CDH13: variants seen among roughly 807,000 people sequenced by gnomAD.
CDH13 encodes cadherin-13.
Under a neutral mutation model 63.8 loss-of-function variants are expected in CDH13, and 24 were observed. That is an observed-to-expected ratio of 0.38 (90% CI 0.27 to 0.53). The LOEUF (loss-of-function observed/expected upper bound fraction) is 0.53. Among genes scored for constraint, CDH13 ranks in the 20% least tolerant of loss-of-function variants. The probability of loss-of-function intolerance (pLI) is 0.85; values close to 1 mark genes in which losing one functional copy is unlikely to be tolerated. For synonymous variants in CDH13, 503 were observed against 355.3 expected (o/e 1.42, Z -4.67); for missense variants, 1,049 against 903.1 (o/e 1.16, Z -2.07).
intron 4 of CDH13, among the ~76,000 whole-genome samples, chr16:83,163,464 C>G (rs1221391067): frequency 6.6e-6 from 1 of 152,054 alleles, no homozygotes; most frequent in Non-Finnish European, 1.5e-5. Context: ...TGTAGTGCTC[C>G]AGGCCAGACG....
At chr16:83,332,294 C>T (rs1373488338) in intron 5 of CDH13, among the ~76,000 whole-genome samples, 2 of 152,002 alleles carry the variant, frequency 1.3e-5, no homozygotes, top group East Asian at 1.9e-4. Context: ...GGGCCTTCTC[C>T]CCTGTATTAC....
intron 6 of CDH13, among the ~76,000 whole-genome samples, chr16:83,478,151 C>G (rs1318703279): frequency 1.3e-5 from 2 of 149,366 alleles, no homozygotes; most frequent in South Asian, 2.1e-4. Context: ...CAGAGCAAGA[C>G]TCCGTCTCAA....
intron 1 of CDH13, among the ~76,000 whole-genome samples, chr16:82,753,776 G>T (rs529728252): frequency 1.3e-5 from 2 of 152,128 alleles, no homozygotes; most frequent in Non-Finnish European, 2.9e-5. Flanking sequence ...AATCCATGGG[G>T]CCCTTTATTC....
At chr16:83,715,615 C>T (rs777546693) in intron 10 of CDH13, among the ~76,000 whole-genome samples, 10 of 152,144 alleles carry the variant, frequency 6.6e-5, no homozygotes, top group Middle Eastern at 3.2e-3. Flanking sequence ...CTCTGAAGAA[C>T]GAATGCAAAA....
At chr16:83,646,840 GCTT>G (rs1203479114) in intron 8 of CDH13, among the ~76,000 whole-genome samples, 2 of 151,742 alleles carry the variant, frequency 1.3e-5, no homozygotes, top group African/African-American at 4.8e-5. Flanking sequence ...TGGTCTGATG[GCTT>G]CTTCTCTAGC....
At position 82,831,125 on chromosome 16, in the gene CDH13, C is replaced by T. The variant is rs536261999; in HGVS notation, c.46-27237C>T. Among the ~76,000 whole-genome samples, 6 of 152,124 alleles carry T rather than the reference C, an allele frequency of 3.9e-5. No homozygotes were observed. The South Asian group carries it at 6.2e-4, about 16-fold the overall frequency. On this transcript the variant is annotated intron_variant, in intron 1 of 13. Transcript: ENST00000567109. ...ACTTGTCAGAAATGCAGCACCTAGG[C>T]GCCGCACCAGACCTGTTGAATAGGA...
At chr16:82,805,214 G>T (rs768996934) in intron 1 of CDH13, among the ~76,000 whole-genome samples, 2 of 152,182 alleles carry the variant, frequency 1.3e-5, no homozygotes, top group African/African-American at 4.8e-5. Flanking sequence ...AGCTGTTGGT[G>T]GGAGAGAGGT....
intron 3 of CDH13, among the ~76,000 whole-genome samples, chr16:83,049,821 A>G (rs908215843): frequency 6.6e-6 from 1 of 152,160 alleles, no homozygotes; most frequent in Non-Finnish European, 1.5e-5. Context: ...GTGCAAATGT[A>G]TTTGAGTACT....
rs141336148 is a variant in CDH13, at chr16:82,810,416, A to C, written c.46-47946A>C. 2.1e-3 allele frequency among the ~76,000 whole-genome samples: 314 copies of C among 152,272 alleles called. 2 individuals carry two copies. The highest frequency in any genetic ancestry group is 3.9e-3 in the Non-Finnish European group (265 of 67,994). On this transcript the variant is annotated intron_variant, in intron 1 of 13. Transcript: ENST00000567109. ...GAAAAGCACTGGACAGTTTCCTCTA[A>C]TCCTTGGGAACTTTAATCGTCTCCT... is the stretch of plus-strand genomic sequence containing the variant.
At chr16:83,329,440 T>A (rs1335590691) in intron 5 of CDH13, among the ~76,000 whole-genome samples, 1 of 151,860 alleles carries the variant, frequency 6.6e-6, no homozygotes, top group Non-Finnish European at 1.5e-5. Flanking sequence ...TTTCGCCATG[T>A]TGGCGAGGCT....
chr16:82,831,710 C>G (rs540866550), intron 1 of CDH13, among the ~76,000 whole-genome samples: 1 of 152,312 alleles, frequency 6.6e-6, no homozygotes, highest in South Asian at 2.1e-4. Context: ...TTCTGCTGCT[C>G]CACATTGTTC....
intron 4 of CDH13, among the ~76,000 whole-genome samples, chr16:83,164,668 C>T (rs570888636): frequency 4.8e-5 from 7 of 146,866 alleles, no homozygotes; most frequent in East Asian, 4.0e-4. Context: ...TGCAGTGAGC[C>T]GAGATTGTGC....
intron 8 of CDH13, among the ~76,000 whole-genome samples, chr16:83,666,068 T>C (rs774829225): frequency 2.0e-5 from 3 of 152,232 alleles, no homozygotes; most frequent in Non-Finnish European, 4.4e-5. Context: ...TGTATTTGAT[T>C]TGCCACACAG....
chr16:83,319,542 G>A (rs190617616), intron 5 of CDH13, among the ~76,000 whole-genome samples: 4 of 152,278 alleles, frequency 2.6e-5, no homozygotes, highest in African/African-American at 7.2e-5. Context: ...ACGACTTTAC[G>A]ATTTACTTCT....
At chr16:82,768,762 C>G (rs1409139482) in intron 1 of CDH13, among the ~76,000 whole-genome samples, 2 of 152,146 alleles carry the variant, frequency 1.3e-5, no homozygotes, top group African/African-American at 4.8e-5. Context: ...CAGGCTCTGA[C>G]CTCTTGTTTC....
At chr16:83,774,476 G>A (rs548258523) in intron 11 of CDH13, among the ~76,000 whole-genome samples, 5 of 152,170 alleles carry the variant, frequency 3.3e-5, no homozygotes, top group East Asian at 1.9e-4. Context: ...GGGTTCAAGC[G>A]ATTCTCCTGC....
At chr16:83,037,872 C>A (rs1917004064) in intron 3 of CDH13, among the ~76,000 whole-genome samples, 1 of 152,134 alleles carries the variant, frequency 6.6e-6, no homozygotes, top group Non-Finnish European at 1.5e-5. Context: ...CAGTCTGTGT[C>A]ACAGAGTTGT....
intron 7 of CDH13, among the ~76,000 whole-genome samples, chr16:83,503,426 A>G (rs2074329071): frequency 6.6e-6 from 1 of 152,218 alleles, no homozygotes. Flanking sequence ...AGCCCATCTC[A>G]GGATGCCTCT....
intron 1 of CDH13, among the ~76,000 whole-genome samples, chr16:82,806,805 C>A (rs2037167250): frequency 1.3e-5 from 2 of 152,008 alleles, no homozygotes; most frequent in African/African-American, 2.4e-5. Flanking sequence ...AATTTCAGAT[C>A]CACAGAGAAA....
Sources: gnomAD v4.1 joint callset for allele counts (sites outside exome capture counted in the v4.1 genomes callset) on GRCh38, gnomAD v4.1.1 for gene constraint, MANE v1.5 for transcripts, NCBI Gene and HGNC (gene_info 2026-07-23, HGNC 2026-07-21) for gene names.